The following RASGEF1A variants were observed in gnomAD, a reference collection of about 807,000 sequenced individuals.
RASGEF1A encodes the protein ras-GEF domain-containing family member 1A.
Under a neutral mutation model 56.4 loss-of-function variants are expected in RASGEF1A, and 18 were observed. That is an observed-to-expected ratio of 0.32 (90% CI 0.22 to 0.47). RASGEF1A has a LOEUF of 0.47. Ranked by LOEUF, RASGEF1A falls within the 20% of genes least tolerant of loss-of-function variation. The pLI is 1.00. For synonymous variants in RASGEF1A, 245 were observed against 242.6 expected, an observed-to-expected ratio of 1.01 and a Z score of -0.09; for missense variants, 422 against 627.1, an observed-to-expected ratio of 0.67 and a Z score of 3.49.
chr10:43,227,074 C>G (rs947978479), intron 1 of RASGEF1A, among the ~76,000 whole-genome samples: 1 of 152,162 alleles, frequency 6.6e-6, no homozygotes, highest in Non-Finnish European at 1.5e-5. Context: ...CAAGGATAAC[C>G]AGGGGTTTTC....
rs1296247645 is a variant in RASGEF1A at position 43,203,338 on chromosome 10, C to T, written c.281G>A (p.Cys94Tyr). ...TTCCAGCTGCTGCTTCTGCTCCACG[C>T]AGATCTGCCCCACGCGGGCCAGCAG... is the stretch of plus-strand genomic sequence containing the variant. ...HDLLARVGQI[C>Y]VEQKQQLEAG... The change falls in exon 3 of 13, where the codon TGC becomes TAC. Residue 94 changes from cysteine to tyrosine, a missense_variant. Around this residue, in one of 2 missense-constraint regions of RASGEF1A, gnomAD observed 273 missense variants for 339.9 expected, o/e 0.80. Transcript: ENST00000395810. 2 of 1,578,950 alleles carry T rather than the reference C, an allele frequency of 1.3e-6. No individual in the cohort carries two copies. Among genetic ancestry groups the T allele is most frequent in the Non-Finnish European group, 1.7e-6 (2 of 1,162,712 alleles).
At chr10:43,250,892 C>T (rs2133224649) in intron 1 of RASGEF1A, among the ~76,000 whole-genome samples, 1 of 152,290 alleles carries the variant, frequency 6.6e-6, no homozygotes, top group African/African-American at 2.4e-5. Flanking sequence ...CAGGCACTGA[C>T]CCGCAACCCT....
intron 1 of RASGEF1A, among the ~76,000 whole-genome samples, chr10:43,223,792 G>C (rs949888206): frequency 2.0e-5 from 3 of 151,976 alleles, no homozygotes; most frequent in African/African-American, 7.2e-5. Context: ...GCACTTTGGG[G>C]GGCTCTAGTG....
intron 1 of RASGEF1A, among the ~76,000 whole-genome samples, chr10:43,250,648 G>GC (rs1564543154): frequency 2.0e-5 from 3 of 152,220 alleles, no homozygotes; most frequent in South Asian, 4.2e-4. Flanking sequence ...GGGAAGGGGG[G>GC]GGTCAGGCAC....
At chr10:43,255,217 G>A (rs1588952443) in intron 1 of RASGEF1A, among the ~76,000 whole-genome samples, 2 of 152,142 alleles carry the variant, frequency 1.3e-5, no homozygotes, top group South Asian at 2.1e-4. Context: ...TATGCTGCAC[G>A]GCCCCACCCA....
chr10:43,255,392 G>A (rs1840677115), intron 1 of RASGEF1A, among the ~76,000 whole-genome samples: 1 of 152,150 alleles, frequency 6.6e-6, no homozygotes, highest in Non-Finnish European at 1.5e-5. Context: ...AGGTGAGAGA[G>A]CTGACCACTG....
chr10:43,238,096 CGGAGGGA>C (rs965211047), intron 1 of RASGEF1A, among the ~76,000 whole-genome samples: 27 of 145,322 alleles, frequency 1.9e-4, no homozygotes, highest in South Asian at 4.4e-4. Flanking sequence ...CTTTGGGGGG[CGGAGGGA>C]GGGGGGGTGC....
chr10:43,249,058 G>A (rs78494672), intron 1 of RASGEF1A, among the ~76,000 whole-genome samples: 1,739 of 152,228 alleles, frequency 0.011, 30 homozygotes, highest in African/African-American at 0.039. Flanking sequence ...AGCAATCCAC[G>A]TAGGGAAGAA....
intron 1 of RASGEF1A, among the ~76,000 whole-genome samples, chr10:43,226,971 C>T (rs1249446213): frequency 6.6e-6 from 1 of 152,138 alleles, no homozygotes; most frequent in South Asian, 2.1e-4. Flanking sequence ...GGGGTCTGTG[C>T]CGGGTGTCGT....
chr10:43,266,108 G>C (rs1836618419), intron 1 of RASGEF1A, among the ~76,000 whole-genome samples: 1 of 152,188 alleles, frequency 6.6e-6, no homozygotes, highest in Non-Finnish European at 1.5e-5. Context: ...CCAGCACCCA[G>C]AGGCAGCCAG....
At chr10:43,207,156 G>C (rs1011036226) in intron 1 of RASGEF1A, 11 of 985,478 alleles carry the variant, frequency 1.1e-5, no homozygotes, top group South Asian at 9.4e-5. Context: ...CTGTGGCCTT[G>C]CCTGCACACA....
chr10:43,245,525 C>G (rs554534815), intron 1 of RASGEF1A, among the ~76,000 whole-genome samples: 2 of 152,256 alleles, frequency 1.3e-5, no homozygotes, highest in African/African-American at 4.8e-5. Context: ...ATGCAAAACT[C>G]CTCAACAAAA....
intron 1 of RASGEF1A, among the ~76,000 whole-genome samples, chr10:43,263,423 C>G (rs1485257657): frequency 6.6e-6 from 1 of 152,166 alleles, no homozygotes; most frequent in African/African-American, 2.4e-5. Flanking sequence ...AGGGTGCGGA[C>G]GGCTGAGCAA....
chr10:43,238,902 G>A (rs1239854368), intron 1 of RASGEF1A, among the ~76,000 whole-genome samples: 1 of 152,220 alleles, frequency 6.6e-6, no homozygotes. Context: ...AAGTCTGCAC[G>A]TGCTTCTGTG....
chr10:43,214,584 G>C (rs1208169468), intron 1 of RASGEF1A, among the ~76,000 whole-genome samples: 2 of 152,170 alleles, frequency 1.3e-5, no homozygotes, highest in Non-Finnish European at 2.9e-5. Flanking sequence ...CAGAGAGTAG[G>C]AACAACAGGC....
intron 1 of RASGEF1A, among the ~76,000 whole-genome samples, chr10:43,220,546 G>A (rs1000076983): frequency 5.9e-5 from 9 of 152,158 alleles, no homozygotes; most frequent in Admixed American, 6.5e-5. Flanking sequence ...CACGATGGGA[G>A]GCCAAGGCAG....
At chr10:43,221,647 T>C (rs1301514907) in intron 1 of RASGEF1A, among the ~76,000 whole-genome samples, 1 of 152,212 alleles carries the variant, frequency 6.6e-6, no homozygotes, top group Non-Finnish European at 1.5e-5. Flanking sequence ...CCCTGCTGCA[T>C]TTGCAGGTTA....
intron 1 of RASGEF1A, among the ~76,000 whole-genome samples, chr10:43,241,765 G>C (rs1244192689): frequency 6.6e-6 from 1 of 151,584 alleles, no homozygotes; most frequent in Non-Finnish European, 1.5e-5. Flanking sequence ...GATTATCAGA[G>C]TTAAAAAAAA....
chr10:43,202,647 G>A (rs889150847), intron 3 of RASGEF1A: 28 of 195,418 alleles, frequency 1.4e-4, no homozygotes, highest in East Asian at 8.8e-4. Flanking sequence ...CCCCGCCCCC[G>A]GCCCCCGCAC....
Sources: allele counts gnomAD v4.1 joint callset (sites outside exome capture counted in the v4.1 genomes callset), GRCh38; gene constraint gnomAD v4.1.1; regional missense constraint gnomAD v4.1.1; transcripts MANE v1.5; gene names NCBI Gene and HGNC (gene_info 2026-07-23, HGNC 2026-07-21).